The following PRKN variants were observed in gnomAD, a reference collection of about 807,000 sequenced individuals.
The protein encoded by PRKN is parkin RBR E3 ubiquitin protein ligase, also known as E3 ubiquitin-protein ligase parkin.
PRKN carries 56 observed loss-of-function variants against 59.5 expected under a neutral mutation model. That is an observed-to-expected ratio of 0.94 (90% CI 0.76 to 1.18). The LOEUF is 1.18. Among genes scored for constraint, PRKN ranks in the 50% most tolerant of loss-of-function variants. PRKN has a pLI of 0.00. For synonymous variants in PRKN, 250 were observed against 222.1 expected (o/e 1.13, Z -1.12); for missense variants, 657 against 596.4 (o/e 1.10, Z -1.06).
In PRKN at chr6:162,332,706, G is replaced by A. The variant is rs546921416; in HGVS notation, c.172-69941C>T. On this transcript the variant is annotated intron_variant, in intron 2 of 11. Coordinates refer to ENST00000366898, the MANE Select transcript of PRKN (RefSeq NM_004562.3). ...ATAACCAATAGCAAATCTTGGAATC[G>A]CACTGTGTGAATGGTGTCCCTCCAC... Among the ~76,000 whole-genome samples, 36 of 152,090 alleles carry A rather than the reference G, an allele frequency of 2.4e-4. No individual in the cohort carries two copies. In the South Asian group the frequency reaches 7.3e-3, roughly 31 times the overall value.
rs960068236 is a variant in PRKN at position 161,360,325 on chromosome 6, G to A, written c.1168-120C>T. On this transcript the variant is annotated intron_variant, in intron 10 of 11. Transcript: ENST00000366898. This position sits in a 1 kb window ranked among gnomAD's most constrained non-coding sequence, Gnocchi z 5.1. ...AGACAGGAGTGCCTTCGGGCAAGAAGCCTAAATATCAATGCACTTGACAAA... is the reference window on the plus strand; with the variant it reads ...AGACAGGAGTGCCTTCGGGCAAGAAACCTAAATATCAATGCACTTGACAAA... 1.2e-6 allele frequency: 1 copy of A among 808,076 alleles called. No homozygotes were observed. Among genetic ancestry groups the A allele is most frequent in the South Asian group, 1.4e-5 (1 of 72,536 alleles). The allele number at this position is 808,076 out of a possible 1,614,324, so 50.1% of individuals were successfully genotyped here. A position where few individuals can be genotyped will look rare whatever the true frequency, so the allele number is the denominator to read the frequency against.
At chr6:162,271,235 C>T (rs181885491) in intron 2 of PRKN, among the ~76,000 whole-genome samples, 281 of 152,012 alleles carry the variant, frequency 1.8e-3, no homozygotes, top group Non-Finnish European at 1.5e-3. Context: ...AAAGACAAAA[C>T]GGCAATGATT....
At chr6:161,453,784 C>A (rs1350994031) in intron 9 of PRKN, among the ~76,000 whole-genome samples, 2 of 148,718 alleles carry the variant, frequency 1.3e-5, no homozygotes, top group African/African-American at 2.5e-5. Flanking sequence ...CCCCTCCCCT[C>A]CCCTTCCCCT....
At chr6:162,588,641 T>G (rs1448028158) in intron 1 of PRKN, among the ~76,000 whole-genome samples, 1 of 152,102 alleles carries the variant, frequency 6.6e-6, no homozygotes, top group African/African-American at 2.4e-5. Context: ...AACCTCCACC[T>G]CCCAGGTTCA....
intron 7 of PRKN, among the ~76,000 whole-genome samples, chr6:161,596,675 A>C (rs1434023555): frequency 6.6e-6 from 1 of 152,168 alleles, no homozygotes; most frequent in Non-Finnish European, 1.5e-5. Flanking sequence ...CTCATAATTA[A>C]GTCGGTGCAT....
At chr6:161,830,335 T>C (rs1792439111) in intron 6 of PRKN, among the ~76,000 whole-genome samples, 1 of 151,692 alleles carries the variant, frequency 6.6e-6, no homozygotes, top group South Asian at 2.1e-4. Flanking sequence ...CACTGCAAGC[T>C]CCGCCTCCTG....
chr6:162,092,720 C>T lies in PRKN; in HGVS notation c.535-38546G>A, dbSNP rs550652864. ...TTCTGATATTTCAAAGTGATATAAA[C>T]GAGCAAGTTCTATACAAAGCTACCT... is the stretch of plus-strand genomic sequence containing the variant. On this transcript the variant is annotated intron_variant, in intron 4 of 11. Transcript: ENST00000366898. Among the ~76,000 whole-genome samples the T allele has an allele frequency of 4.6e-5, 7 of 152,242 alleles. No individual in the cohort carries two copies. The East Asian group carries it at 5.8e-4, about 13-fold the overall frequency.
At chr6:162,608,809 A>G (rs1782022450) in intron 1 of PRKN, among the ~76,000 whole-genome samples, 1 of 152,134 alleles carries the variant, frequency 6.6e-6, no homozygotes, top group Admixed American at 6.5e-5. Context: ...TAGAAAAATC[A>G]TGCAAAACAT....
chr6:162,644,019 G>C (rs1357026482), intron 1 of PRKN: 1 of 152,104 alleles, frequency 6.6e-6, no homozygotes, highest in Non-Finnish European at 1.5e-5. Flanking sequence ...CAGCAGCTTT[G>C]GGGCCAAGCA....
chr6:162,717,732 A>G (rs1778783772), intron 1 of PRKN, among the ~76,000 whole-genome samples: 1 of 152,236 alleles, frequency 6.6e-6, no homozygotes, highest in Non-Finnish European at 1.5e-5. Flanking sequence ...AGTGTATAAT[A>G]TTAAAGAAAG....
Position 161,363,810 on chromosome 6 carries a change from A to T in PRKN, c.1168-3605T>A, listed in dbSNP as rs1785076127. Among the ~76,000 whole-genome samples, 1 of 152,182 alleles carries T rather than the reference A, an allele frequency of 6.6e-6. No individual in the cohort carries two copies. Among genetic ancestry groups the T allele is most frequent in the Non-Finnish European group, 1.5e-5 (1 of 68,030 alleles). ...AAATTAATTTTTAAGAATGAGCATA[A>T]ATAAAAACACAGTAATAAAAAACAG... On this transcript the variant is annotated intron_variant, in intron 10 of 11. Coordinates refer to ENST00000366898, the MANE Select transcript of PRKN (RefSeq NM_004562.3). This position sits in a 1 kb window ranked among gnomAD's most constrained non-coding sequence, Gnocchi z 4.1.
At chr6:162,093,157 A>G (rs1256920107) in intron 4 of PRKN, among the ~76,000 whole-genome samples, 1 of 152,200 alleles carries the variant, frequency 6.6e-6, no homozygotes, top group Non-Finnish European at 1.5e-5. Flanking sequence ...TTCCCAGAAA[A>G]TACGCAACTC....
chr6:162,300,860 A>C (rs1033789829), intron 2 of PRKN, among the ~76,000 whole-genome samples: 2 of 152,136 alleles, frequency 1.3e-5, no homozygotes, highest in Non-Finnish European at 2.9e-5. Flanking sequence ...TCTTCAACCT[A>C]TACATTAACA....
chr6:162,310,123 C>T (rs1032689008), intron 2 of PRKN, among the ~76,000 whole-genome samples: 5 of 151,994 alleles, frequency 3.3e-5, no homozygotes, highest in African/African-American at 1.2e-4. Flanking sequence ...AGAATATAGA[C>T]GGGAAGACAA....
chr6:162,037,892 C>T (rs1274528419), intron 5 of PRKN, among the ~76,000 whole-genome samples: 1 of 151,156 alleles, frequency 6.6e-6, no homozygotes, highest in Non-Finnish European at 1.5e-5. Context: ...TTTTTTTCAG[C>T]CAACATTATG....
At chr6:162,100,303 C>T (rs1332532392) in intron 4 of PRKN, among the ~76,000 whole-genome samples, 2 of 152,102 alleles carry the variant, frequency 1.3e-5, no homozygotes, top group South Asian at 2.1e-4. Flanking sequence ...GAAGTGAGAC[C>T]ACTGGGTCAT....
At chr6:162,664,365 T>C (rs1779016118) in intron 1 of PRKN, among the ~76,000 whole-genome samples, 1 of 152,240 alleles carries the variant, frequency 6.6e-6, no homozygotes, top group Non-Finnish European at 1.5e-5. Context: ...CGTGTACATA[T>C]GTCTTTATAG....
intron 4 of PRKN, among the ~76,000 whole-genome samples, chr6:162,156,380 G>T (rs1782515390): frequency 6.6e-6 from 1 of 152,198 alleles, no homozygotes; most frequent in South Asian, 2.1e-4. Context: ...TCTGCAAGCT[G>T]AGGAGCAAGG....
At chr6:161,494,855 T>C (rs905299350) in intron 9 of PRKN, among the ~76,000 whole-genome samples, 4 of 152,178 alleles carry the variant, frequency 2.6e-5, no homozygotes, top group Admixed American at 6.5e-5. Context: ...CAAGTTCTTC[T>C]AGGATTCATC....
Sources: allele counts gnomAD v4.1 joint callset (sites outside exome capture counted in the v4.1 genomes callset), GRCh38; gene constraint gnomAD v4.1.1; non-coding constraint Gnocchi (gnomAD v3.1); transcripts MANE v1.5; gene names NCBI Gene and HGNC (gene_info 2026-07-23, HGNC 2026-07-21).